The following BCAS3 variants were observed in gnomAD, a reference collection of about 807,000 sequenced individuals.
The protein encoded by BCAS3 is BCAS3 microtubule associated cell migration factor.
Under a neutral mutation model 116.1 loss-of-function variants are expected in BCAS3, and 53 were observed. That is an observed-to-expected ratio of 0.46 (90% CI 0.37 to 0.57). BCAS3 has a LOEUF of 0.57. Among genes scored for constraint, BCAS3 ranks in the 20% least tolerant of loss-of-function variants. The pLI, the probability that BCAS3 is intolerant of heterozygous loss-of-function variation, is 0.00. For synonymous variants in BCAS3, 391 were observed against 408.2 expected (o/e 0.96, Z 0.51); for missense variants, 917 against 1,165.4 (o/e 0.79, Z 3.10).
chr17:61,005,236 A>G (rs1379582187), intron 15 of BCAS3, among the ~76,000 whole-genome samples: 1 of 152,058 alleles, frequency 6.6e-6, no homozygotes, highest in East Asian at 1.9e-4. Flanking sequence ...TTAGAAGAGA[A>G]GGGCTTGAAC....
chr17:60,825,544 A>T (rs561669437), intron 7 of BCAS3, among the ~76,000 whole-genome samples: 18 of 135,948 alleles, frequency 1.3e-4, no homozygotes, highest in African/African-American at 2.7e-4. Context: ...ATTTATAAAT[A>T]ATTATTTATA....
chr17:61,195,546 T>TC (rs60912597), intron 22 of BCAS3, among the ~76,000 whole-genome samples: 87,734 of 149,052 alleles, frequency 0.59, 30,550 homozygotes, highest in South Asian at 0.85. Context: ...TTTCTTTCTT[T>TC]TTTTTTTTTT....
intron 7 of BCAS3, among the ~76,000 whole-genome samples, chr17:60,844,004 T>C (rs961162985): frequency 6.6e-6 from 1 of 152,212 alleles, no homozygotes; most frequent in Admixed American, 6.5e-5. Flanking sequence ...AGTTTCTCTC[T>C]TGTTGCCCAG....
At chr17:60,707,842 TA>T (rs2037368411) in intron 4 of BCAS3, among the ~76,000 whole-genome samples, 1 of 152,248 alleles carries the variant, frequency 6.6e-6, no homozygotes, top group Non-Finnish European at 1.5e-5. Context: ...ATTTGTGGGA[TA>T]AACCCTATAT....
At position 61,078,291 on chromosome 17, in the gene BCAS3, G is replaced by A. The variant is rs773356428; in HGVS notation, c.2131-42G>A. On this transcript the variant is annotated intron_variant, in intron 20 of 23. Coordinates refer to ENST00000407086, the MANE Select transcript of BCAS3 (RefSeq NM_017679.5). ...GGGGATTGTGAAGTCTCTCAAATCA[G>A]GATCACAAACCATTTAAATCATCAT... 26 of 1,500,070 alleles carry A rather than the reference G, an allele frequency of 1.7e-5. 1 individual carries two copies. The South Asian group carries it at 3.2e-4, about 19-fold the overall frequency. The allele number at this position is 1,500,070 out of a possible 1,614,324, so 92.9% of individuals were successfully genotyped here.
intron 15 of BCAS3, among the ~76,000 whole-genome samples, chr17:61,005,333 G>A (rs747698868): frequency 4.0e-5 from 6 of 151,550 alleles, no homozygotes; most frequent in Non-Finnish European, 7.4e-5. Flanking sequence ...TGATAATTTA[G>A]GCAGCTAAAT....
intron 7 of BCAS3, chr17:60,851,448 C>G (rs775471775): frequency 2.1e-6 from 1 of 480,072 alleles, no homozygotes; most frequent in East Asian, 6.0e-5. Context: ...GAGATCGCCG[C>G]GGTTGTCAGC....
At chr17:61,341,746 A>G (rs1399409225) in intron 22 of BCAS3, among the ~76,000 whole-genome samples, 1 of 152,228 alleles carries the variant, frequency 6.6e-6, no homozygotes, top group African/African-American at 2.4e-5. Flanking sequence ...AGTGAGATTC[A>G]GCCCCCAAAG....
chr17:61,350,240 C>T (rs1229816020), intron 22 of BCAS3, among the ~76,000 whole-genome samples: 2 of 151,892 alleles, frequency 1.3e-5, no homozygotes, highest in Non-Finnish European at 2.9e-5. Flanking sequence ...CATGGTGAAA[C>T]CCCGTCTCTA....
intron 8 of BCAS3, among the ~76,000 whole-genome samples, chr17:60,873,543 A>G (rs2055319690): frequency 6.6e-6 from 1 of 152,186 alleles, no homozygotes; most frequent in African/African-American, 2.4e-5. Flanking sequence ...AATATGCTGC[A>G]AGGATAGCAC....
chr17:61,334,395 G>C (rs1199914419), intron 22 of BCAS3, among the ~76,000 whole-genome samples: 2 of 151,984 alleles, frequency 1.3e-5, no homozygotes, highest in South Asian at 2.1e-4. Flanking sequence ...GGCCGGGCGC[G>C]GTGGCTCACG....
intron 15 of BCAS3, among the ~76,000 whole-genome samples, chr17:60,998,255 C>G (rs1480754950): frequency 6.6e-6 from 1 of 152,152 alleles, no homozygotes; most frequent in East Asian, 1.9e-4. Context: ...CATTGATAGG[C>G]ACTTTGGTTG....
intron 14 of BCAS3, among the ~76,000 whole-genome samples, chr17:60,980,329 C>T (rs190969031): frequency 2.5e-4 from 38 of 152,158 alleles, no homozygotes; most frequent in African/African-American, 5.3e-4. Flanking sequence ...CCATTCTTTT[C>T]GGTATGAAGT....
At chr17:60,793,637 G>C (rs534470512) in intron 6 of BCAS3, among the ~76,000 whole-genome samples, 1 of 152,140 alleles carries the variant, frequency 6.6e-6, no homozygotes, top group South Asian at 2.1e-4. Context: ...CCACATATTA[G>C]TGAGAACATA....
chr17:61,385,389 G>T (rs2059795901), intron 23 of BCAS3, among the ~76,000 whole-genome samples: 3 of 152,218 alleles, frequency 2.0e-5, no homozygotes, highest in Admixed American at 6.5e-5. Flanking sequence ...CTGGGTGCAG[G>T]CCCCTTGCTG....
Position 61,157,109 on chromosome 17 carries a change from T to C in BCAS3, c.2425+72545T>C, listed in dbSNP as rs184513790. Among the ~76,000 whole-genome samples the C allele has an allele frequency of 5.4e-4, 82 of 152,358 alleles. 1 individual carries two copies. Among genetic ancestry groups the C allele is most frequent in the Middle Eastern group, 6.8e-3 (2 of 294 alleles). On this transcript the variant is annotated intron_variant, in intron 22 of 23. Transcript: ENST00000407086. ...TGGATTAATTTTAACTTTTCTTTCC[T>C]GTTTCTTTGCTTTCCCAGTGCATCT...
chr17:60,910,436 A>G, intron 11 of BCAS3, 96 bp from the exon 12 acceptor site: 1 of 1,008,356 alleles, frequency 9.9e-7, no homozygotes, highest in Non-Finnish European at 1.4e-6. Context: ...TAAGAGAATA[A>G]ATAACATAAT....
rs577432478 is a variant in BCAS3 at position 60,701,687 on chromosome 17, C to T, written c.215-7532C>T. On this transcript the variant is annotated intron_variant, in intron 4 of 23. Transcript: ENST00000407086. ...AATATACACAAATCTAGGCCAGGCACGGTGGCTCACGCCTGTAATCCCAGT... is the reference window on the plus strand; with the variant it reads ...AATATACACAAATCTAGGCCAGGCATGGTGGCTCACGCCTGTAATCCCAGT... 4.1e-4 allele frequency among the ~76,000 whole-genome samples: 62 copies of T among 151,718 alleles called. 1 individual carries two copies. The South Asian group carries it at 0.012, about 30-fold the overall frequency.
intron 5 of BCAS3, among the ~76,000 whole-genome samples, chr17:60,736,171 T>C (rs527729896): frequency 6.6e-6 from 1 of 152,314 alleles, no homozygotes; most frequent in East Asian, 1.9e-4. Context: ...CCCAAAGTGC[T>C]TGGATTACAG....
Sources: gnomAD v4.1 joint callset for allele counts (sites outside exome capture counted in the v4.1 genomes callset) on GRCh38, gnomAD v4.1.1 for gene constraint, MANE v1.5 for transcripts, NCBI Gene and HGNC (gene_info 2026-07-23, HGNC 2026-07-21) for gene names.